The following PELI2 variants were observed in gnomAD, a reference collection of about 807,000 sequenced individuals.
PELI2 encodes the protein E3 ubiquitin-protein ligase pellino homolog 2.
Under a neutral mutation model 42.3 loss-of-function variants are expected in PELI2, and 23 were observed. That is an observed-to-expected ratio of 0.54 (90% CI 0.39 to 0.77). The LOEUF (loss-of-function observed/expected upper bound fraction) is 0.77. PELI2 is among the 30% of genes least tolerant of loss of function. The pLI, the probability that PELI2 is intolerant of heterozygous loss-of-function variation, is 0.00. For missense variants in PELI2, 463 were observed against 553.2 expected, an observed-to-expected ratio of 0.84 and a Z score of 1.64; for synonymous variants, 245 against 212.2, an observed-to-expected ratio of 1.15 and a Z score of -1.34.
At chr14:56,161,765 T>C (rs1206332868) in intron 1 of PELI2, among the ~76,000 whole-genome samples, 4 of 152,200 alleles carry the variant, frequency 2.6e-5, no homozygotes, top group Non-Finnish European at 5.9e-5. Flanking sequence ...AAGCAGCTAC[T>C]TGGAGCAAAG....
intron 3 of PELI2, among the ~76,000 whole-genome samples, chr14:56,283,198 A>G (rs1322319988): frequency 6.6e-6 from 1 of 152,180 alleles, no homozygotes; most frequent in Non-Finnish European, 1.5e-5. Context: ...CTTCCCTCTC[A>G]TCTCTGCAGA....
intron 1 of PELI2, among the ~76,000 whole-genome samples, chr14:56,132,595 G>T (rs528853732): frequency 6.6e-6 from 1 of 152,190 alleles, no homozygotes; most frequent in Admixed American, 6.5e-5. Context: ...CCACGGAAAG[G>T]GTCAGAGGGT....
At chr14:56,290,203 C>G in intron 4 of PELI2, 65 bp from the exon 5 acceptor site, 1 of 1,307,406 alleles carries the variant, frequency 7.6e-7, no homozygotes, top group South Asian at 1.7e-5. Context: ...TAAAGAAATT[C>G]CAGAATCCTT....
chr14:56,211,168 C>T (rs1335692311), intron 2 of PELI2, among the ~76,000 whole-genome samples: 1 of 152,242 alleles, frequency 6.6e-6, no homozygotes, highest in African/African-American at 2.4e-5. Flanking sequence ...TGCTCCATCA[C>T]CGCTGTCGAG....
chr14:56,229,976 A>C (rs1439481993), intron 2 of PELI2, among the ~76,000 whole-genome samples: 2 of 152,236 alleles, frequency 1.3e-5, no homozygotes, highest in Non-Finnish European at 1.5e-5. Context: ...TAGCTGATTC[A>C]ATCAAGTTGA....
At chr14:56,138,842 G>T (rs528047484) in intron 1 of PELI2, among the ~76,000 whole-genome samples, 1 of 152,152 alleles carries the variant, frequency 6.6e-6, no homozygotes, top group South Asian at 2.1e-4. Context: ...TTATGGAAAC[G>T]CTCAGTTCAG....
intron 2 of PELI2, among the ~76,000 whole-genome samples, chr14:56,213,136 A>C (rs1886769306): frequency 2.0e-5 from 3 of 152,196 alleles, no homozygotes; most frequent in Admixed American, 2.0e-4. Flanking sequence ...CTGCAGGTAA[A>C]CTGTCTGGAG....
intron 3 of PELI2, among the ~76,000 whole-genome samples, chr14:56,280,278 A>C (rs1889434891): frequency 6.6e-6 from 1 of 152,120 alleles, no homozygotes; most frequent in Non-Finnish European, 1.5e-5. Flanking sequence ...TTTATCTCAA[A>C]AGTTCTTTTT....
chr14:56,240,279 G>A (rs1017419579), intron 2 of PELI2, among the ~76,000 whole-genome samples: 8 of 152,114 alleles, frequency 5.3e-5, no homozygotes, highest in Admixed American at 5.2e-4. Context: ...ATCCTGGGGC[G>A]AGACGATTGG....
chr14:56,295,353 C>T (rs553379745), intron 5 of PELI2, among the ~76,000 whole-genome samples: 1 of 152,076 alleles, frequency 6.6e-6, no homozygotes, highest in Non-Finnish European at 1.5e-5. Flanking sequence ...CGTCCCCCCC[C>T]ACCCAGTGCC....
intron 1 of PELI2, chr14:56,119,804 C>A (rs940176074): frequency 2.0e-6 from 2 of 984,898 alleles, no homozygotes; most frequent in Non-Finnish European, 1.2e-6. Flanking sequence ...TCTGGGAACC[C>A]GCGCTTTTGT....
Position 56,297,151 on chromosome 14 carries a change from AG to A in PELI2, c.1250del (p.Gly417ValfsTer15). 1 of 1,599,584 alleles carries A rather than the reference AG, an allele frequency of 6.3e-7. No individual in the cohort carries two copies. The highest frequency in any genetic ancestry group is 8.5e-7 in the Non-Finnish European group (1 of 1,178,952). On this transcript the variant is annotated frameshift_variant, in exon 6 of 6. Coordinates refer to ENST00000267460, the MANE Select transcript of PELI2 (RefSeq NM_021255.3). LOFTEE classifies it high-confidence loss of function. Reference protein sequence around the residue: ...EQNCIKLIFQGPID With the variant: ...EQNCIKLIFQXPID The stretch of plus-strand genomic sequence containing the variant: ...AAAACTGCATCAAATTAATTTTCCA[AG>A]GTCCAATTGACTGACGCCCTTGACA...
intron 2 of PELI2, among the ~76,000 whole-genome samples, chr14:56,217,230 G>T (rs930603178): frequency 6.6e-6 from 1 of 152,204 alleles, no homozygotes; most frequent in Non-Finnish European, 1.5e-5. Flanking sequence ...GGTAGGGTAA[G>T]GATTTTGCCC....
intron 1 of PELI2, among the ~76,000 whole-genome samples, chr14:56,124,902 G>A (rs1385443309): frequency 1.3e-5 from 2 of 152,232 alleles, no homozygotes; most frequent in African/African-American, 4.8e-5. Flanking sequence ...GAAACATTGT[G>A]AGGGATGATG....
In PELI2 at chr14:56,126,858, C is replaced by A. The variant is rs914444131; in HGVS notation, c.77+8121C>A. On this transcript the variant is annotated intron_variant, in intron 1 of 5. Coordinates refer to ENST00000267460, the MANE Select transcript of PELI2 (RefSeq NM_021255.3). ...TGCTGACTAGATCCTTGATGTAGTA[C>A]ATAAGATTACATTATGGTTTGGGTA... Among the ~76,000 whole-genome samples the A allele has an allele frequency of 2.6e-5, 4 of 152,248 alleles. No individual in the cohort carries two copies. The South Asian group carries it at 8.3e-4, about 32-fold the overall frequency.
At chr14:56,124,726 C>G (rs1014492320) in intron 1 of PELI2, among the ~76,000 whole-genome samples, 10 of 152,218 alleles carry the variant, frequency 6.6e-5, no homozygotes, top group African/African-American at 2.4e-4. Context: ...TAGCAGGGTC[C>G]CCTAGCCATG....
At chr14:56,277,279 C>T (rs1889327422) in intron 2 of PELI2, among the ~76,000 whole-genome samples, 1 of 152,098 alleles carries the variant, frequency 6.6e-6, no homozygotes, top group African/African-American at 2.4e-5. Context: ...ACGGGTTGAA[C>T]TCCGCCTCCT....
At chr14:56,127,646 G>C (rs1025448956) in intron 1 of PELI2, among the ~76,000 whole-genome samples, 14 of 152,322 alleles carry the variant, frequency 9.2e-5, no homozygotes, top group African/African-American at 3.4e-4. Context: ...AGCACTCAGG[G>C]TTGGGAGAGC....
chr14:56,234,723 A>G (rs1468740399), intron 2 of PELI2, among the ~76,000 whole-genome samples: 1 of 151,580 alleles, frequency 6.6e-6, no homozygotes, highest in African/African-American at 2.4e-5. Flanking sequence ...CACATTGTGC[A>G]CATGTACCCT....
Sources: allele counts gnomAD v4.1 joint callset (sites outside exome capture counted in the v4.1 genomes callset), GRCh38; gene constraint gnomAD v4.1.1; transcripts MANE v1.5; gene names NCBI Gene and HGNC (gene_info 2026-07-23, HGNC 2026-07-21).